The following EXOC6B variants were observed in gnomAD, a reference collection of about 807,000 sequenced individuals.
EXOC6B encodes exocyst complex component 6B, also known as SEC15 homolog B.
In EXOC6B, 54 loss-of-function variants were observed where a neutral mutation model predicts 113.5. That is an observed-to-expected ratio of 0.48 (90% CI 0.38 to 0.60). EXOC6B has a LOEUF of 0.60. EXOC6B is among the 20% of genes least tolerant of loss of function. The pLI is 0.00. For missense variants in EXOC6B, 797 were observed against 977.5 expected, an observed-to-expected ratio of 0.82 and a Z score of 2.46; for synonymous variants, 357 against 339.0, an observed-to-expected ratio of 1.05 and a Z score of -0.58.
intron 9 of EXOC6B, 45 bp from the exon 10 acceptor site, chr2:72,514,725 A>C (rs1425079556): frequency 1.6e-6 from 2 of 1,255,822 alleles, no homozygotes; most frequent in Non-Finnish European, 2.2e-6. Context: ...CTGTTTTGTT[A>C]CATTAAGACT....
intron 8 of EXOC6B, among the ~76,000 whole-genome samples, chr2:72,550,199 T>C (rs533320658): frequency 6.6e-6 from 1 of 152,086 alleles, no homozygotes; most frequent in Non-Finnish European, 1.5e-5. Context: ...TTATATTAAG[T>C]AATCCATTTT....
At chr2:72,444,475 G>A (rs1309432737) in intron 18 of EXOC6B, among the ~76,000 whole-genome samples, 1 of 152,208 alleles carries the variant, frequency 6.6e-6, no homozygotes, top group Non-Finnish European at 1.5e-5. Flanking sequence ...GGGACTCTGT[G>A]TGGGGACTCC....
At chr2:72,368,158 G>C (rs888990753) in intron 19 of EXOC6B, among the ~76,000 whole-genome samples, 1 of 152,048 alleles carries the variant, frequency 6.6e-6, no homozygotes, top group Non-Finnish European at 1.5e-5. Flanking sequence ...TGCTTAAGAA[G>C]AACAGAATAA....
intron 19 of EXOC6B, among the ~76,000 whole-genome samples, chr2:72,354,476 G>GGCATCTTAGGCCAC (rs1415748073): frequency 1.3e-5 from 2 of 152,182 alleles, no homozygotes; most frequent in African/African-American, 4.8e-5. Context: ...TGACAAGGAT[G>GGCATCTTAGGCCAC]GCATCTTAGG....
At chr2:72,611,368 A>G (rs190156982) in intron 6 of EXOC6B, among the ~76,000 whole-genome samples, 53 of 151,932 alleles carry the variant, frequency 3.5e-4, no homozygotes, top group African/African-American at 1.3e-3. Flanking sequence ...AAAAAAAAAC[A>G]AAAAAAGGCT....
rs553471850 is a variant in EXOC6B, at chr2:72,407,252, C to A, written c.1981-27382G>T. 3.9e-5 allele frequency among the ~76,000 whole-genome samples: 6 copies of A among 152,230 alleles called. No individual in the cohort carries two copies. In the East Asian group the frequency reaches 1.2e-3, roughly 29 times the overall value. On this transcript the variant is annotated intron_variant, in intron 18 of 21. Coordinates refer to ENST00000272427, the MANE Select transcript of EXOC6B (RefSeq NM_015189.3). ...CTTACCAGCCAAAAAAAGTCCAGGA[C>A]CAGAAGGATTCACAGCTGAATTCTA...
chr2:72,636,023 C>T (rs1179851330), intron 6 of EXOC6B, among the ~76,000 whole-genome samples: 2 of 151,974 alleles, frequency 1.3e-5, no homozygotes, highest in African/African-American at 4.8e-5. Context: ...TCAAGAAAAG[C>T]CTAAGCAACA....
intron 6 of EXOC6B, among the ~76,000 whole-genome samples, chr2:72,663,501 T>C (rs1004313391): frequency 6.6e-6 from 1 of 152,204 alleles, no homozygotes; most frequent in Non-Finnish European, 1.5e-5. Context: ...CTAAATAATA[T>C]ACGGGTCAAA....
chr2:72,201,657 C>T (rs1007743972), intron 20 of EXOC6B, among the ~76,000 whole-genome samples: 1 of 152,210 alleles, frequency 6.6e-6, no homozygotes, highest in Non-Finnish European at 1.5e-5. Context: ...AAGATAAACA[C>T]AAACTATTTC....
chr2:72,613,007 C>A (rs192813584), intron 6 of EXOC6B, among the ~76,000 whole-genome samples: 4 of 152,166 alleles, frequency 2.6e-5, no homozygotes, highest in African/African-American at 7.2e-5. Context: ...CTTCAATTTT[C>A]TGGGATGGGT....
intron 6 of EXOC6B, among the ~76,000 whole-genome samples, chr2:72,601,170 G>GCA (rs1360552179): frequency 4.9e-5 from 3 of 61,354 alleles, no homozygotes; most frequent in African/African-American, 1.7e-4. Context: ...GTGTGTGTGT[G>GCA]TGTGTGTATA....
chr2:72,733,963 T>C (rs1680795464), intron 2 of EXOC6B, among the ~76,000 whole-genome samples: 1 of 152,168 alleles, frequency 6.6e-6, no homozygotes, highest in Non-Finnish European at 1.5e-5. Context: ...ACTTAGCAGG[T>C]ACTCTGCACA....
At chr2:72,625,299 AAG>A (rs1250531485) in intron 6 of EXOC6B, among the ~76,000 whole-genome samples, 1 of 151,676 alleles carries the variant, frequency 6.6e-6, no homozygotes, top group Non-Finnish European at 1.5e-5. Flanking sequence ...ATACCTAAAA[AAG>A]ACTTTCAGTA....
At chr2:72,341,891 T>A (rs1321016346) in intron 19 of EXOC6B, among the ~76,000 whole-genome samples, 4 of 152,160 alleles carry the variant, frequency 2.6e-5, no homozygotes, top group Non-Finnish European at 5.9e-5. Flanking sequence ...TCATCTTAAG[T>A]ACCTTTTCTG....
At chr2:72,589,790 A>C (rs1705818269) in intron 6 of EXOC6B, among the ~76,000 whole-genome samples, 1 of 151,984 alleles carries the variant, frequency 6.6e-6, no homozygotes. Flanking sequence ...AAAAAATGAT[A>C]TAACAGATCT....
chr2:72,721,013 C>A (rs11902280), intron 5 of EXOC6B, among the ~76,000 whole-genome samples: 9,968 of 151,738 alleles, frequency 0.066, 1,098 homozygotes, highest in African/African-American at 0.23. Context: ...AAACTGGTAA[C>A]GTTTATTTGT....
rs1374815899 is a variant in EXOC6B, at chr2:72,475,108, G to A, written c.1800+5508C>T. ...TTGCTGGGGACTGTAACACCAGGTA[G>A]GTCGGTCTTTGAGCCCCAGTGGTGG... On this transcript the variant is annotated intron_variant, in intron 17 of 21. Transcript: ENST00000272427. Among the ~76,000 whole-genome samples the A allele has an allele frequency of 2.0e-5, 3 of 152,132 alleles. 1 individual carries two copies. Among genetic ancestry groups the A allele is most frequent in the Non-Finnish European group, 4.4e-5 (3 of 68,026 alleles).
chr2:72,445,178 C>T lies in EXOC6B; in HGVS notation c.1980+19982G>A, dbSNP rs142709426. Reference sequence around the variant, plus strand: ...TCTCTAGGGCAGGGGTAAAATGCCACCAGTCTCTTTGCTAAAACATAACAA... The same window carrying T: ...TCTCTAGGGCAGGGGTAAAATGCCATCAGTCTCTTTGCTAAAACATAACAA... On this transcript the variant is annotated intron_variant, in intron 18 of 21. Transcript: ENST00000272427. Among the ~76,000 whole-genome samples the T allele has an allele frequency of 1.3e-5, 2 of 152,308 alleles. 1 individual carries two copies. The highest frequency in any genetic ancestry group is 3.9e-4 in the East Asian group (2 of 5,182).
At chr2:72,179,496 T>C (rs1342790284) in intron 21 of EXOC6B, 35 bp from the exon 22 acceptor site, 1 of 1,613,110 alleles carries the variant, frequency 6.2e-7, no homozygotes, top group Non-Finnish European at 8.5e-7. Context: ...GGCAACATGT[T>C]TGAGGAAACA....
Sources: allele counts gnomAD v4.1 joint callset (sites outside exome capture counted in the v4.1 genomes callset), GRCh38; gene constraint gnomAD v4.1.1; transcripts MANE v1.5; gene names NCBI Gene and HGNC (gene_info 2026-07-23, HGNC 2026-07-21).